NCK1: variants seen among roughly 807,000 people sequenced by gnomAD.
NCK1 encodes NCK adaptor protein 1, also known as SH2/SH3 adapter protein NCK1.
Under a neutral mutation model 36.6 loss-of-function variants are expected in NCK1, and 19 were observed. That is an observed-to-expected ratio of 0.52 (90% CI 0.36 to 0.76). The LOEUF (loss-of-function observed/expected upper bound fraction) is 0.76, where lower values mean the gene tolerates loss of function less well. Among genes scored for constraint, NCK1 ranks in the 30% least tolerant of loss-of-function variants. NCK1 has a pLI of 0.00. For synonymous variants in NCK1, 165 were observed against 156.0 expected, an observed-to-expected ratio of 1.06 and a Z score of -0.43; for missense variants, 358 against 445.6, an observed-to-expected ratio of 0.80 and a Z score of 1.77.
chr3:136,889,335 G>T (rs111616017), intron 1 of NCK1: 4 of 158,850 alleles, frequency 2.5e-5, no homozygotes, highest in Non-Finnish European at 5.4e-5. Flanking sequence ...GGCGCGTCTG[G>T]AGTTTGCTCC....
At chr3:136,939,255 A>G (rs1011258018) in intron 2 of NCK1, among the ~76,000 whole-genome samples, 1 of 152,028 alleles carries the variant, frequency 6.6e-6, no homozygotes, top group Non-Finnish European at 1.5e-5. Context: ...TTTTTAATTT[A>G]TTGGCATACA....
chr3:136,901,657 A>G (rs1939544866), intron 1 of NCK1, among the ~76,000 whole-genome samples: 1 of 152,158 alleles, frequency 6.6e-6, no homozygotes, highest in Non-Finnish European at 1.5e-5. Flanking sequence ...TCAATTTTCC[A>G]GTATGTTAGT....
chr3:136,943,624 T>C lies in NCK1; in HGVS notation c.227-1959T>C, dbSNP rs1046597206. On this transcript the variant is annotated intron_variant, in intron 2 of 3. Coordinates refer to ENST00000481752, the MANE Select transcript of NCK1 (RefSeq NM_001291999.2). ...TCATTTATTCATTCAGCATGTTTGC[T>C]GACTGCTGAATACATAATTTTGTTT... Among the ~76,000 whole-genome samples the C allele has an allele frequency of 2.0e-5, 3 of 152,248 alleles. No individual in the cohort carries two copies. The East Asian group carries it at 5.8e-4, about 29-fold the overall frequency.
chr3:136,935,593 G>A (rs538461313), intron 2 of NCK1, among the ~76,000 whole-genome samples: 8 of 152,238 alleles, frequency 5.3e-5, no homozygotes, highest in East Asian at 3.9e-4. Context: ...GTGGGGTCAC[G>A]AAACCTCTGG....
chr3:136,902,198 T>TTTTTTTTTTTTTTTTTTTTTTTTG (rs1939561830), intron 1 of NCK1, among the ~76,000 whole-genome samples: 4 of 131,500 alleles, frequency 3.0e-5, no homozygotes, highest in East Asian at 2.3e-4. Context: ...TTTTTTTTTT[T>TTTTTTTTTTTTTTTTTTTTTTTTG]TTTTGTTTTT....
At chr3:136,909,524 G>C (rs1246361230) in intron 1 of NCK1, among the ~76,000 whole-genome samples, 1 of 152,192 alleles carries the variant, frequency 6.6e-6, no homozygotes, top group Non-Finnish European at 1.5e-5. Context: ...AGAATGTCGA[G>C]TGCTGTAATA....
Position 136,945,998 on chromosome 3 carries a change from A to T in NCK1, c.642A>T (p.Gly214=). The T allele has an allele frequency of 9.9e-6, 16 of 1,614,002 alleles. No individual in the cohort carries two copies. The highest frequency in any genetic ancestry group is 1.3e-5 in the Non-Finnish European group (15 of 1,179,990). Residue 214 remains glycine (G), a synonymous_variant, in exon 3 of 4, where the codon GGA becomes GGT. Transcript: ENST00000481752. ...ATGAAGAACTTAATTTCGAGAAAGG[A>T]GATGTAATGGATGTTATTGAAAAAC... is the stretch of plus-strand genomic sequence containing the variant. The part of the protein sequence containing the change: ...SNDEELNFEK[G]DVMDVIEKPE...
chr3:136,927,607 C>T (rs962618437), intron 1 of NCK1, among the ~76,000 whole-genome samples: 4 of 152,154 alleles, frequency 2.6e-5, no homozygotes, highest in South Asian at 2.1e-4. Context: ...CTGCAACCTT[C>T]GCCTCCCAGG....
At chr3:136,881,969 A>G in intron 1 of NCK1, among the ~76,000 whole-genome samples, 1 of 152,218 alleles carries the variant, frequency 6.6e-6, no homozygotes, top group East Asian at 1.9e-4. Flanking sequence ...GCTGTTAAGA[A>G]TAGTGTTTCC....
chr3:136,907,275 T>C (rs1939710186), intron 1 of NCK1, among the ~76,000 whole-genome samples: 2 of 152,002 alleles, frequency 1.3e-5, no homozygotes, highest in Admixed American at 1.3e-4. Flanking sequence ...GGAGCAGCTA[T>C]AGGTGGAGAA....
At chr3:136,862,641 C>T (rs940140468) in intron 1 of NCK1, among the ~76,000 whole-genome samples, 2 of 79,436 alleles carry the variant, frequency 2.5e-5, no homozygotes, top group African/African-American at 8.1e-5. Context: ...AGAGCCCGGG[C>T]GGCCGCCCGT....
intron 1 of NCK1, among the ~76,000 whole-genome samples, chr3:136,898,322 G>A (rs1477370323): frequency 9.2e-5 from 14 of 151,456 alleles, no homozygotes; most frequent in South Asian, 4.2e-4. Context: ...ACTTGAACCC[G>A]GGAGGCGGAG....
intron 1 of NCK1, among the ~76,000 whole-genome samples, chr3:136,877,029 G>C (rs1210009599): frequency 6.6e-6 from 1 of 151,972 alleles, no homozygotes; most frequent in African/African-American, 2.4e-5. Context: ...GGCAAAAAAT[G>C]GACAAAACTA....
At position 136,951,447 on chromosome 3, in the gene NCK1, CTT is replaced by C. The variant is rs557784089; in HGVS notation, c.*2995_*2996del. The stretch of plus-strand genomic sequence containing the variant: ...GGAGTTTCACATAAAATTCAGACTT[CTT>C]GTTTCCCTTTAAAAATGAGAAGCTA... On this transcript the variant is annotated 3_prime_UTR_variant, in exon 4 of 4. Coordinates refer to ENST00000481752, the MANE Select transcript of NCK1 (RefSeq NM_001291999.2). Among the ~76,000 whole-genome samples, 44 of 152,258 alleles carry C rather than the reference CTT, an allele frequency of 2.9e-4. No homozygotes were observed. The highest frequency in any genetic ancestry group is 1.0e-3 in the African/African-American group (43 of 41,576).
intron 1 of NCK1, among the ~76,000 whole-genome samples, chr3:136,885,510 G>T (rs537562640): frequency 6.6e-6 from 1 of 152,066 alleles, no homozygotes; most frequent in Non-Finnish European, 1.5e-5. Flanking sequence ...TTGCCATGTT[G>T]CCCAGGCTGG....
At chr3:136,876,142 G>A (rs1189144913) in intron 1 of NCK1, among the ~76,000 whole-genome samples, 21 of 151,586 alleles carry the variant, frequency 1.4e-4, no homozygotes, top group East Asian at 9.7e-4. Context: ...TCTCTGGGAC[G>A]CATTCAAAGC....
chr3:136,881,176 A>G (rs1177456645), intron 1 of NCK1, among the ~76,000 whole-genome samples: 1 of 151,988 alleles, frequency 6.6e-6, no homozygotes, highest in Non-Finnish European at 1.5e-5. Flanking sequence ...ATACTACTCA[A>G]GTCAAGCAGC....
intron 1 of NCK1, among the ~76,000 whole-genome samples, chr3:136,919,471 C>T (rs1940050660): frequency 6.6e-6 from 1 of 151,968 alleles, no homozygotes. Context: ...TTCATGTAGC[C>T]TCTGGAATCT....
intron 1 of NCK1, among the ~76,000 whole-genome samples, chr3:136,873,978 T>G (rs1383531169): frequency 1.3e-5 from 2 of 152,194 alleles, no homozygotes; most frequent in Admixed American, 1.3e-4. Context: ...GTATACCTTT[T>G]TGTGGATGGC....
Sources: gnomAD v4.1 joint callset for allele counts (sites outside exome capture counted in the v4.1 genomes callset) on GRCh38, gnomAD v4.1.1 for gene constraint, MANE v1.5 for transcripts, NCBI Gene and HGNC (gene_info 2026-07-23, HGNC 2026-07-21) for gene names.